BRINP1: variants seen among roughly 807,000 people sequenced by gnomAD.
BRINP1 encodes the protein BMP/retinoic acid inducible neural specific 1.
A neutral mutation model predicts 72.9 loss-of-function variants in BRINP1; 17 were observed. That is an observed-to-expected ratio of 0.23 (90% CI 0.16 to 0.35). The LOEUF (loss-of-function observed/expected upper bound fraction) is 0.35. Ranked by LOEUF, BRINP1 falls within the 10% of genes least tolerant of loss-of-function variation. The probability of loss-of-function intolerance (pLI) is 1.00; values close to 1 mark genes in which losing one functional copy is unlikely to be tolerated. For missense variants in BRINP1, 850 were observed against 1,001.6 expected (o/e 0.85, Z 2.04); for synonymous variants, 418 against 378.5 (o/e 1.10, Z -1.21).
chr9:119,334,297 T>C (rs1252923160), intron 1 of BRINP1, among the ~76,000 whole-genome samples: 1 of 152,164 alleles, frequency 6.6e-6, no homozygotes, highest in Non-Finnish European at 1.5e-5. Flanking sequence ...TCTAACACCT[T>C]CGAATTGAGG....
chr9:119,351,406 G>A (rs1276274048), intron 1 of BRINP1, among the ~76,000 whole-genome samples: 1 of 151,948 alleles, frequency 6.6e-6, no homozygotes, highest in East Asian at 1.9e-4. Context: ...GAACGTGGAA[G>A]GCGAAGCAAA....
chr9:119,174,916 A>G (rs1417512592), intron 7 of BRINP1, among the ~76,000 whole-genome samples: 1 of 147,958 alleles, frequency 6.8e-6, no homozygotes. Flanking sequence ...GAATTGAACA[A>G]TGAGATCACA....
At chr9:119,197,740 C>G (rs150749211) in intron 7 of BRINP1, among the ~76,000 whole-genome samples, 1 of 152,130 alleles carries the variant, frequency 6.6e-6, no homozygotes, top group Non-Finnish European at 1.5e-5. Flanking sequence ...AACAAGCATA[C>G]GAGCTGAAAG....
chr9:119,297,836 A>ATAATAAT (rs56394431), intron 2 of BRINP1, among the ~76,000 whole-genome samples: 326 of 151,644 alleles, frequency 2.1e-3, no homozygotes, highest in East Asian at 5.6e-3. Flanking sequence ...AATAATAATA[A>ATAATAAT]AATAATAACA....
intron 1 of BRINP1, among the ~76,000 whole-genome samples, chr9:119,339,195 T>C (rs1820302755): frequency 6.6e-6 from 1 of 152,212 alleles, no homozygotes; most frequent in Non-Finnish European, 1.5e-5. Flanking sequence ...TACTCAGCTC[T>C]ATCACTGTAG....
At chr9:119,331,513 C>G (rs147190437) in intron 1 of BRINP1, among the ~76,000 whole-genome samples, 230 of 152,316 alleles carry the variant, frequency 1.5e-3, no homozygotes, top group Middle Eastern at 0.014. Flanking sequence ...TATATAACAT[C>G]GGGAGGTTCC....
chr9:119,366,272 A>T (rs1176823430), intron 1 of BRINP1, among the ~76,000 whole-genome samples: 1 of 152,078 alleles, frequency 6.6e-6, no homozygotes, highest in Non-Finnish European at 1.5e-5. Context: ...AATTAATATA[A>T]AGAAATTAAT....
chr9:119,299,612 CAA>C (rs758236349), intron 2 of BRINP1, among the ~76,000 whole-genome samples: 5 of 57,152 alleles, frequency 8.7e-5, no homozygotes, highest in Admixed American at 1.9e-4. Context: ...GACTCCGTCT[CAA>C]AAAAAAAAAA....
chr9:119,175,322 G>A (rs1271079478), intron 7 of BRINP1, among the ~76,000 whole-genome samples: 2 of 151,790 alleles, frequency 1.3e-5, no homozygotes, highest in Non-Finnish European at 2.9e-5. Context: ...GTTGAACAAT[G>A]AGAACACATG....
intron 1 of BRINP1, among the ~76,000 whole-genome samples, chr9:119,344,381 T>C (rs1038291291): frequency 3.9e-5 from 6 of 152,230 alleles, no homozygotes; most frequent in South Asian, 4.1e-4. Flanking sequence ...TCAGTTTGGC[T>C]AATATTACTC....
rs908437684 is a variant in BRINP1, at chr9:119,266,520, T to C, written c.219-17370A>G. 1.5e-4 allele frequency among the ~76,000 whole-genome samples: 23 copies of C among 152,210 alleles called. 1 individual carries two copies. The highest frequency in any genetic ancestry group is 5.6e-4 in the African/African-American group (23 of 41,434). On this transcript the variant is annotated intron_variant, in intron 2 of 7. Transcript: ENST00000265922. ...AACATTTTTTTGTGATGAAAACATT[T>C]TTAATTTATTTCTTTAGCAGTATTA...
chr9:119,297,954 G>T (rs917634815), intron 2 of BRINP1, among the ~76,000 whole-genome samples: 4 of 152,230 alleles, frequency 2.6e-5, no homozygotes, highest in African/African-American at 7.2e-5. Context: ...GGGTGCCCCA[G>T]TGCCTTTTCG....
At position 119,268,184 on chromosome 9, in the gene BRINP1, A is replaced by G. The variant is rs140766976; in HGVS notation, c.219-19034T>C. Among the ~76,000 whole-genome samples, 1,004 of 152,204 alleles carry G rather than the reference A, an allele frequency of 6.6e-3. 11 individuals are homozygous for G. Among genetic ancestry groups the G allele is most frequent in the Non-Finnish European group, 0.01 (706 of 68,006 alleles). ...CTTGTACCCGGAAGGTGGTGGTTGC[A>G]GTGAGCCAAGATCACATCACTGCAC... On this transcript the variant is annotated intron_variant, in intron 2 of 7. Transcript: ENST00000265922.
At chr9:119,211,956 T>A (rs565541617) in intron 6 of BRINP1, among the ~76,000 whole-genome samples, 22 of 152,224 alleles carry the variant, frequency 1.4e-4, no homozygotes, top group African/African-American at 5.3e-4. Context: ...TGCTAAAGAG[T>A]CTTACTCCTT....
chr9:119,357,466 C>T (rs1831580663), intron 1 of BRINP1, among the ~76,000 whole-genome samples: 1 of 152,194 alleles, frequency 6.6e-6, no homozygotes, highest in African/African-American at 2.4e-5. Flanking sequence ...GAAAGCAGCT[C>T]ATTCTATAAC....
chr9:119,208,574 C>A, intron 7 of BRINP1, 145 bp downstream of exon 7: 1 of 723,354 alleles, frequency 1.4e-6, no homozygotes, highest in South Asian at 1.8e-5. Context: ...CAGAGGCAAT[C>A]CAGAAAATTG....
intron 7 of BRINP1, among the ~76,000 whole-genome samples, chr9:119,208,372 G>C (rs528471624): frequency 6.6e-6 from 1 of 152,152 alleles, no homozygotes; most frequent in Non-Finnish European, 1.5e-5. Flanking sequence ...GCTAAAATTG[G>C]CTTTGCTCAG....
intron 7 of BRINP1, among the ~76,000 whole-genome samples, chr9:119,184,387 G>A (rs188013057): frequency 5.3e-4 from 81 of 152,174 alleles, no homozygotes; most frequent in Admixed American, 1.5e-3. Context: ...AGAAAGTTCC[G>A]AAGATATTCT....
intron 1 of BRINP1, among the ~76,000 whole-genome samples, chr9:119,355,707 C>A (rs560923419): frequency 6.9e-6 from 1 of 144,690 alleles, no homozygotes; most frequent in Non-Finnish European, 1.5e-5. Context: ...CCAGCCTGGG[C>A]GACAGAGCAA....
Sources: allele counts gnomAD v4.1 joint callset (sites outside exome capture counted in the v4.1 genomes callset), GRCh38; gene constraint gnomAD v4.1.1; transcripts MANE v1.5; gene names NCBI Gene and HGNC (gene_info 2026-07-23, HGNC 2026-07-21).